Variants in ADGRG7 observed in about 807,000 individuals in gnomAD.
ADGRG7 encodes the protein G-protein coupled receptor 128.
In ADGRG7, 82 loss-of-function variants were observed where a neutral mutation model predicts 88.6. The ratio of observed to expected loss-of-function variants is 0.93; its 90% CI spans 0.77 to 1.11. The LOEUF (loss-of-function observed/expected upper bound fraction) is 1.11, where lower values mean the gene tolerates loss of function less well. Ranked by LOEUF, ADGRG7 falls within the 50% of genes most tolerant of loss-of-function variation. The pLI is 0.00. For missense variants in ADGRG7, 945 were observed against 953.4 expected (o/e 0.99, Z 0.12); for synonymous variants, 381 against 345.2 (o/e 1.10, Z -1.15).
intron 4 of ADGRG7, among the ~76,000 whole-genome samples, chr3:100,634,327 A>C (rs1237705299): frequency 6.6e-6 from 1 of 152,226 alleles, no homozygotes; most frequent in Non-Finnish European, 1.5e-5. Flanking sequence ...TTATTCCCAT[A>C]TTATAAATAA....
intron 13 of ADGRG7, among the ~76,000 whole-genome samples, chr3:100,656,850 C>G (rs1424258435): frequency 1.3e-5 from 2 of 152,092 alleles, no homozygotes; most frequent in Non-Finnish European, 2.9e-5. Context: ...GACTGCCTGG[C>G]CTGATTTCAT....
Position 100,695,056 on chromosome 3 carries a change from G to A in ADGRG7, c.*55G>A. ...TAATCACCTCGTTTGAGTTTTATCT[G>A]TTTCTCTCCTTTATTTCCCAGTCCT... is the stretch of plus-strand genomic sequence containing the variant. On this transcript the variant is annotated 3_prime_UTR_variant, in exon 16 of 16. Coordinates refer to ENST00000273352, the MANE Select transcript of ADGRG7 (RefSeq NM_032787.3). 1 of 1,546,722 alleles carries A rather than the reference G, an allele frequency of 6.5e-7. No homozygotes were observed. The highest frequency in any genetic ancestry group is 8.8e-7 in the Non-Finnish European group (1 of 1,137,764).
At chr3:100,653,210 G>A (rs984702004) in intron 11 of ADGRG7, among the ~76,000 whole-genome samples, 1 of 152,132 alleles carries the variant, frequency 6.6e-6, no homozygotes. Flanking sequence ...AATAGCATCA[G>A]TAACAATAGG....
intron 10 of ADGRG7, among the ~76,000 whole-genome samples, chr3:100,648,869 C>T (rs184073068): frequency 1.3e-5 from 2 of 152,174 alleles, no homozygotes; most frequent in Admixed American, 1.3e-4. Context: ...CCACCACTAC[C>T]TCACCAGATT....
intron 11 of ADGRG7, among the ~76,000 whole-genome samples, chr3:100,651,207 C>A (rs555872338): frequency 6.6e-6 from 1 of 152,256 alleles, no homozygotes; most frequent in Admixed American, 6.5e-5. Context: ...TCCCATCTCT[C>A]ATGAAATATA....
At chr3:100,654,766 C>A (rs2094935175) in intron 11 of ADGRG7, 69 bp from the exon 12 acceptor site, 2 of 934,448 alleles carry the variant, frequency 2.1e-6, no homozygotes, top group Non-Finnish European at 3.2e-6. Context: ...CCAGAAATTT[C>A]ACTGCAGTTT....
At chr3:100,688,409 CT>C (rs1378659061) in intron 15 of ADGRG7, among the ~76,000 whole-genome samples, 1 of 152,062 alleles carries the variant, frequency 6.6e-6, no homozygotes, top group Admixed American at 6.6e-5. Context: ...TATTTCTTGC[CT>C]TCTGCTGGCT....
chr3:100,652,889 GA>G (rs1255340165), intron 11 of ADGRG7, among the ~76,000 whole-genome samples: 1 of 152,030 alleles, frequency 6.6e-6, no homozygotes, highest in Non-Finnish European at 1.5e-5. Flanking sequence ...TTAGAGCAAA[GA>G]CATTAGGTAA....
chr3:100,652,132 A>G (rs961712764), intron 11 of ADGRG7, among the ~76,000 whole-genome samples: 1 of 152,142 alleles, frequency 6.6e-6, no homozygotes, highest in Non-Finnish European at 1.5e-5. Context: ...TCTTACTTTT[A>G]TATAAAAAGA....
chr3:100,649,574 A>G (rs535760877), intron 10 of ADGRG7, 121 bp from the exon 11 acceptor site: 2 of 579,678 alleles, frequency 3.5e-6, no homozygotes, highest in South Asian at 4.8e-5. Context: ...TGAGCTTTAC[A>G]AAAGGAAGAT....
At chr3:100,630,669 C>T (rs546735067) in intron 2 of ADGRG7, 36 bp from the exon 3 acceptor site, 2 of 1,021,690 alleles carry the variant, frequency 2.0e-6, no homozygotes, top group Admixed American at 3.3e-5. Flanking sequence ...TTTTAAAATA[C>T]AATTTATAAT....
At chr3:100,630,676 T>C in intron 2 of ADGRG7, 29 bp from the exon 3 acceptor site, 1 of 1,074,832 alleles carries the variant, frequency 9.3e-7, no homozygotes, top group Non-Finnish European at 1.3e-6. Context: ...ATACAATTTA[T>C]AATAAAGAAC....
intron 11 of ADGRG7, among the ~76,000 whole-genome samples, chr3:100,652,921 G>C (rs1311120591): frequency 6.6e-6 from 1 of 152,126 alleles, no homozygotes; most frequent in Non-Finnish European, 1.5e-5. Flanking sequence ...GGAAAAAAAG[G>C]CAATTTTAAA....
chr3:100,664,287 A>G (rs1477367728), intron 14 of ADGRG7, among the ~76,000 whole-genome samples: 1 of 152,150 alleles, frequency 6.6e-6, no homozygotes, highest in Admixed American at 6.5e-5. Context: ...ACAGGACATT[A>G]AGCGGTGCTT....
At chr3:100,668,896 G>A in intron 14 of ADGRG7, 53 bp from the exon 15 acceptor site, 4 of 1,338,488 alleles carry the variant, frequency 3.0e-6, no homozygotes, top group Non-Finnish European at 4.1e-6. Context: ...TAATGACGTT[G>A]ATAAGTAAAA....
At chr3:100,672,664 G>T (rs2094960234) in intron 15 of ADGRG7, among the ~76,000 whole-genome samples, 1 of 152,128 alleles carries the variant, frequency 6.6e-6, no homozygotes, top group Non-Finnish European at 1.5e-5. Flanking sequence ...TCCAGTTTTT[G>T]CCCATTCAGT....
At chr3:100,617,933 T>C (rs1267232105) in intron 1 of ADGRG7, among the ~76,000 whole-genome samples, 3 of 152,208 alleles carry the variant, frequency 2.0e-5, no homozygotes, top group Non-Finnish European at 4.4e-5. Context: ...TGGTATCTCA[T>C]TGTGGTTTTG....
At chr3:100,676,793 T>C (rs533733595) in intron 15 of ADGRG7, among the ~76,000 whole-genome samples, 1 of 152,082 alleles carries the variant, frequency 6.6e-6, no homozygotes, top group African/African-American at 2.4e-5. Flanking sequence ...GTATTGGGCA[T>C]ATATATATAT....
At chr3:100,614,018 T>C (rs533993060) in intron 1 of ADGRG7, among the ~76,000 whole-genome samples, 130 of 152,322 alleles carry the variant, frequency 8.5e-4, no homozygotes, top group African/African-American at 3.1e-3. Context: ...AGTAAACCCA[T>C]GAGGCTTAAA....
Sources: allele counts gnomAD v4.1 joint callset (sites outside exome capture counted in the v4.1 genomes callset), GRCh38; gene constraint gnomAD v4.1.1; transcripts MANE v1.5; gene names NCBI Gene and HGNC (gene_info 2026-07-23, HGNC 2026-07-21).